The following ABCB1 variants were observed in gnomAD, a reference collection of about 807,000 sequenced individuals.
The protein encoded by ABCB1 is ATP binding cassette subfamily B member 1, also known as ATP-dependent translocase ABCB1.
ABCB1 carries 69 observed loss-of-function variants against 142.0 expected under a neutral mutation model. That is an observed-to-expected ratio of 0.49 (90% CI 0.40 to 0.59). The LOEUF is 0.59. Ranked by LOEUF, ABCB1 falls within the 20% of genes least tolerant of loss-of-function variation. The pLI, the probability that ABCB1 is intolerant of heterozygous loss-of-function variation, is 0.00. For missense variants in ABCB1, 1,326 were observed against 1,554.7 expected, an observed-to-expected ratio of 0.85 and a Z score of 2.47; for synonymous variants, 532 against 539.2, an observed-to-expected ratio of 0.99 and a Z score of 0.18.
chr7:87,610,729 T>C (rs1284846644), intron 1 of ABCB1, among the ~76,000 whole-genome samples: 1 of 152,244 alleles, frequency 6.6e-6, no homozygotes, highest in Non-Finnish European at 1.5e-5. Context: ...ATAAAAATTA[T>C]GTTGCAGAAA....
At chr7:87,639,001 A>G (rs1029300107) in intron 1 of ABCB1, among the ~76,000 whole-genome samples, 1 of 152,134 alleles carries the variant, frequency 6.6e-6, no homozygotes, top group East Asian at 1.9e-4. Flanking sequence ...AAATACAAAA[A>G]ATTAGCCAGG....
In ABCB1 at chr7:87,677,809, T is replaced by C. The variant is rs558930047; in HGVS notation, c.-331+35352A>G. ...CTTGAAACCTGCCAGAGAAATATAA[T>C]TTATTACATATAGGGAACAACAGTT... On this transcript the variant is annotated intron_variant, in intron 1 of 28. Coordinates refer to the ABCB1 transcript ENST00000265724. Among the ~76,000 whole-genome samples, 165 of 152,274 alleles carry C rather than the reference T, an allele frequency of 1.1e-3. 1 individual carries two copies. Among genetic ancestry groups the C allele is most frequent in the African/African-American group, 3.9e-3 (161 of 41,564 alleles).
chr7:87,595,108 C>G (rs1393787332), intron 3 of ABCB1, among the ~76,000 whole-genome samples: 1 of 151,964 alleles, frequency 6.6e-6, no homozygotes, highest in African/African-American at 2.4e-5. Flanking sequence ...ATCAACCAAC[C>G]ACACATATAT....
intron 1 of ABCB1, among the ~76,000 whole-genome samples, chr7:87,690,493 T>C (rs1455915163): frequency 6.6e-6 from 1 of 152,174 alleles, no homozygotes; most frequent in Non-Finnish European, 1.5e-5. Flanking sequence ...CACCTACCTG[T>C]AAATGGCATT....
intron 17 of ABCB1, among the ~76,000 whole-genome samples, chr7:87,542,737 A>G (rs4728701): frequency 0.97 from 146,948 of 151,812 alleles, 71,151 homozygotes; most frequent in East Asian, 1. Flanking sequence ...TTAGTGCAAG[A>G]ATCAGCAAAC....
At chr7:87,696,876 C>T (rs1828536334) in intron 1 of ABCB1, among the ~76,000 whole-genome samples, 1 of 152,084 alleles carries the variant, frequency 6.6e-6, no homozygotes. Flanking sequence ...GGATAGTGTG[C>T]CCTACCTATA....
At chr7:87,597,416 A>G (rs956492813) in intron 2 of ABCB1, among the ~76,000 whole-genome samples, 1 of 152,142 alleles carries the variant, frequency 6.6e-6, no homozygotes, top group African/African-American at 2.4e-5. Flanking sequence ...ATGTTAAAAT[A>G]GATTTAAATC....
chr7:87,711,794 C>G (rs188428183), intron 1 of ABCB1, among the ~76,000 whole-genome samples: 1 of 152,262 alleles, frequency 6.6e-6, no homozygotes, highest in Non-Finnish European at 1.5e-5. Context: ...AGAGTGTTTT[C>G]CTCATCACAG....
intron 1 of ABCB1, among the ~76,000 whole-genome samples, chr7:87,702,074 C>G (rs1409997347): frequency 3.2e-5 from 4 of 123,286 alleles, no homozygotes; most frequent in African/African-American, 1.2e-4. Context: ...ACCCAGGAGG[C>G]GGAGCTTGCA....
chr7:87,567,969 A>T (rs2129819589), intron 5 of ABCB1, among the ~76,000 whole-genome samples: 1 of 151,896 alleles, frequency 6.6e-6, no homozygotes, highest in African/African-American at 2.4e-5. Context: ...GTGGCGTGCG[A>T]CTGTAGTCCC....
rs2117067975 is a variant in ABCB1 at position 87,509,370 on chromosome 7, C to T, written c.3394G>A (p.Ala1132Thr). 6.2e-7 allele frequency: 1 copy of T among 1,614,148 alleles called. No homozygotes were observed. Among genetic ancestry groups the T allele is most frequent in the Non-Finnish European group, 8.5e-7 (1 of 1,180,026 alleles). The stretch of plus-strand genomic sequence containing the variant: ...ACCACCCGGCTGTTGTCTCCATAGG[C>T]AATGTTCTCAGCAATGCTGCAGTCA... Reference protein sequence around the residue: ...LFDCSIAENIAYGDNSRVVSQ... With the variant: ...LFDCSIAENITYGDNSRVVSQ... Residue 1132 changes from alanine to threonine, a missense_variant, in exon 26 of 28, where the codon GCC becomes ACC. Physicochemically the swap from Ala to Thr is moderately conservative, Grantham distance 58. Coordinates refer to ENST00000622132, the MANE Select transcript of ABCB1 (RefSeq NM_001348946.2).
chr7:87,671,629 G>C (rs1341327004), intron 1 of ABCB1, among the ~76,000 whole-genome samples: 3 of 152,118 alleles, frequency 2.0e-5, no homozygotes, highest in Non-Finnish European at 1.5e-5. Context: ...CAGGCCTGTT[G>C]CTGGCCCAAA....
At position 87,558,451 on chromosome 7, in the gene ABCB1, A is replaced by G. The variant is rs770613984; in HGVS notation, c.827+2812T>C. Among the ~76,000 whole-genome samples the G allele has an allele frequency of 3.6e-4, 55 of 152,280 alleles. No individual in the cohort carries two copies. The South Asian group carries it at 6.4e-3, about 18-fold the overall frequency. The stretch of plus-strand genomic sequence containing the variant: ...ACCTACTGGAATTTCTGTGTAGACA[A>G]TCTTATCGTCTGTGAATAACGACAG... On this transcript the variant is annotated intron_variant, in intron 8 of 27. Transcript: ENST00000622132.
rs1276520445 is a variant in ABCB1 at position 87,550,061 on chromosome 7, T to A, written c.1351-7A>T. The A allele has an allele frequency of 6.2e-7, 1 of 1,614,072 alleles. No individual in the cohort carries two copies. The highest frequency in any genetic ancestry group is 1.3e-5 in the African/African-American group (1 of 74,932). ...CCTGTCCATCAACACTGACCTGGAA[T>A]AAAAAGTAAGTGTGACTTTCATACA... On this transcript the variant is annotated splice_polypyrimidine_tract_variant and splice_region_variant and intron_variant, in intron 12 of 27. Coordinates refer to ENST00000622132, the MANE Select transcript of ABCB1 (RefSeq NM_001348946.2).
intron 21 of ABCB1, chr7:87,522,212 G>A (rs1299818026): frequency 7.7e-7 from 1 of 1,305,450 alleles, no homozygotes; most frequent in Non-Finnish European, 1.1e-6. Flanking sequence ...GGTAATCATG[G>A]AAGCAATTTT....
rs117115192 is a variant in ABCB1, at chr7:87,528,181, G to C, written c.2685+3113C>G. 1.8e-4 allele frequency among the ~76,000 whole-genome samples: 28 copies of C among 152,232 alleles called. No individual in the cohort carries two copies. The East Asian group carries it at 5.4e-3, about 29-fold the overall frequency. On this transcript the variant is annotated intron_variant, in intron 21 of 27. Coordinates refer to ENST00000622132, the MANE Select transcript of ABCB1 (RefSeq NM_001348946.2). ...ACATGTGAAGATTATTACCATTCAA[G>C]GTGAGATTTGGATGAGGACACAGAG...
chr7:87,575,329 G>T (rs1423929203), intron 4 of ABCB1, among the ~76,000 whole-genome samples: 3 of 152,142 alleles, frequency 2.0e-5, no homozygotes, highest in African/African-American at 7.2e-5. Flanking sequence ...TGAAAAGGTG[G>T]TTTTCAAACT....
intron 1 of ABCB1, among the ~76,000 whole-genome samples, chr7:87,653,263 C>T (rs1823758338): frequency 6.6e-6 from 1 of 152,058 alleles, no homozygotes; most frequent in Admixed American, 6.6e-5. Flanking sequence ...CATAATACTT[C>T]TCTCCACCCT....
intron 20 of ABCB1, 68 bp downstream of exon 20, chr7:87,536,390 A>G: frequency 7.0e-7 from 1 of 1,418,680 alleles, no homozygotes; most frequent in Non-Finnish European, 1.0e-6. Flanking sequence ...CGTAAGGAGA[A>G]AATTAGTTTC....
Sources: gnomAD v4.1 joint callset for allele counts (sites outside exome capture counted in the v4.1 genomes callset) on GRCh38, gnomAD v4.1.1 for gene constraint, MANE v1.5 for transcripts, NCBI Gene and HGNC (gene_info 2026-07-23, HGNC 2026-07-21) for gene names.